Variants in KLHL15 observed in about 807,000 individuals in gnomAD.
KLHL15 encodes the protein kelch like family member 15.
Under a neutral mutation model 29.3 loss-of-function variants are expected in KLHL15, and 1 was observed. That is an observed-to-expected ratio of 0.03 (90% CI 0.01 to 0.16). The LOEUF is 0.16. KLHL15 is among the 10% of genes least tolerant of loss of function. The pLI is 1.00. For missense variants in KLHL15, 215 were observed against 478.5 expected, an observed-to-expected ratio of 0.45 and a Z score of 5.14; for synonymous variants, 212 against 184.5, an observed-to-expected ratio of 1.15 and a Z score of -1.21.
chrX:24,012,459 G>C (rs1324532273), intron 2 of KLHL15, among the ~76,000 whole-genome samples: 1 of 110,509 alleles, frequency 9.0e-6, no homozygotes, highest in Non-Finnish European at 1.9e-5. Flanking sequence ...CTCCTTCATG[G>C]GCTCACTTTT....
intron 2 of KLHL15, among the ~76,000 whole-genome samples, chrX:24,016,982 G>A (rs1197318766): frequency 2.7e-5 from 3 of 110,593 alleles, no homozygotes. Context: ...TTTATTCAAG[G>A]TCATAGAACT....
At position 23,985,979 on chromosome X, in the gene KLHL15, G is replaced by A; in HGVS notation, c.*1942C>T. The A allele has an allele frequency of 9.0e-6, 1 of 111,129 alleles. No individual in the cohort carries two copies. Among genetic ancestry groups the A allele is most frequent in the Non-Finnish European group, 1.9e-5 (1 of 52,890 alleles). 9.2% of individuals were successfully genotyped at this position (111,129 alleles called of 1,213,427 possible). A position where few individuals can be genotyped will look rare whatever the true frequency, so the allele number is the denominator to read the frequency against. ...AAGACTTTTACCCATATTACCATGG[G>A]AAACAAGATACCAAATTTCATGTTT... On this transcript the variant is annotated 3_prime_UTR_variant, in exon 4 of 4. Transcript: ENST00000328046.
At chrX:24,013,652 T>C (rs1275914300) in intron 2 of KLHL15, among the ~76,000 whole-genome samples, 1 of 111,371 alleles carries the variant, frequency 9.0e-6, no homozygotes, top group Non-Finnish European at 1.9e-5. Context: ...TCTCGTACAG[T>C]GTAGTGTTTG....
chrX:24,021,501 T>TA (rs921333035), intron 2 of KLHL15, among the ~76,000 whole-genome samples: 3 of 112,403 alleles, frequency 2.7e-5, no homozygotes, highest in Non-Finnish European at 3.7e-5. Context: ...CCATTTTACT[T>TA]AGTTTCCTTT....
At chrX:24,004,070 G>A (rs72620468) in intron 3 of KLHL15, among the ~76,000 whole-genome samples, 4,912 of 111,598 alleles carry the variant, frequency 0.044, 113 homozygotes, top group South Asian at 0.21. Context: ...ACAGCTAGAG[G>A]ACATGACTTG....
chrX:24,001,802 CAAAAAAAA>C (rs766669649), intron 3 of KLHL15, among the ~76,000 whole-genome samples: 8 of 22,670 alleles, frequency 3.5e-4, no homozygotes, highest in South Asian at 7.1e-3. Context: ...AGACTTGACT[CAAAAAAAA>C]AAAAAAAAAA....
In KLHL15 at chrX:24,024,435, G is replaced by A. The variant is rs757419127; in HGVS notation, c.-8+422C>T. Among the ~76,000 whole-genome samples the A allele has an allele frequency of 4.5e-5, 5 of 111,792 alleles. No individual in the cohort carries two copies. In the South Asian group the frequency reaches 1.5e-3, roughly 33 times the overall value. On this transcript the variant is annotated intron_variant, in intron 2 of 3. Coordinates refer to ENST00000328046, the MANE Select transcript of KLHL15 (RefSeq NM_030624.3). ...TCAACCCTGCGATGTTGGTAGTACC[G>A]ACTATATTTCATAGATAAGAAACCA...
rs988056452 is a variant in KLHL15 at position 23,986,602 on chromosome X, A to T, written c.*1319T>A. On this transcript the variant is annotated 3_prime_UTR_variant, in exon 4 of 4. Coordinates refer to ENST00000328046, the MANE Select transcript of KLHL15 (RefSeq NM_030624.3). The stretch of plus-strand genomic sequence containing the variant: ...GCTTTTAAACAGCTATTCTTGATCC[A>T]TTCTGAACTTTGTGGTTACTATCCT... 4.4e-5 allele frequency: 5 copies of T among 112,495 alleles called. No individual in the cohort carries two copies. Among genetic ancestry groups the T allele is most frequent in the Non-Finnish European group, 9.4e-5 (5 of 53,235 alleles). The allele number at this position is 112,495 out of a possible 1,213,427, so 9.3% of individuals were successfully genotyped here. A position where few individuals can be genotyped will look rare whatever the true frequency, so the allele number is the denominator to read the frequency against.
chrX:24,009,685 T>TC lies in KLHL15; in HGVS notation c.-7-2986dup, dbSNP rs763515204. Among the ~76,000 whole-genome samples, 62 of 24,656 alleles carry TC rather than the reference T, an allele frequency of 2.5e-3. No homozygotes were observed. In the Admixed American group the frequency reaches 0.027, roughly 11 times the overall value. 21.4% of individuals were successfully genotyped at this position (24,656 alleles called of 115,157 possible). On this transcript the variant is annotated intron_variant, in intron 2 of 3. Coordinates refer to ENST00000328046, the MANE Select transcript of KLHL15 (RefSeq NM_030624.3). ...TGGGCGACAGAGCGAGGTTCCATTTTCAAAAAAAAAAAAAAAAAAAAAAGC... is the reference window on the plus strand; with the variant it reads ...TGGGCGACAGAGCGAGGTTCCATTTTCCAAAAAAAAAAAAAAAAAAAAAAGC...
intron 1 of KLHL15, among the ~76,000 whole-genome samples, chrX:24,025,261 A>G (rs1345772403): frequency 9.2e-6 from 1 of 109,239 alleles, no homozygotes; most frequent in Non-Finnish European, 1.9e-5. Context: ...CAGCCGAGGA[A>G]GCGTCGAGGA....
chrX:24,018,210 CAAG>C (rs1304469351), intron 2 of KLHL15, among the ~76,000 whole-genome samples: 1 of 111,759 alleles, frequency 8.9e-6, no homozygotes, highest in Non-Finnish European at 1.9e-5. Flanking sequence ...GCGTGCTCAA[CAAG>C]AAGTGCGTAG....
intron 2 of KLHL15, among the ~76,000 whole-genome samples, chrX:24,014,882 G>A (rs1929644354): frequency 8.9e-6 from 1 of 112,290 alleles, no homozygotes; most frequent in Admixed American, 9.5e-5. Flanking sequence ...TGTATTGACT[G>A]TGTATGACGG....
intron 2 of KLHL15, among the ~76,000 whole-genome samples, chrX:24,017,981 T>C (rs1391797869): frequency 9.1e-6 from 1 of 109,905 alleles, no homozygotes; most frequent in Non-Finnish European, 1.9e-5. Context: ...GGCGTGCTCC[T>C]GTGGCCCCAG....
chrX:24,023,220 G>T (rs1348411380), intron 2 of KLHL15, among the ~76,000 whole-genome samples: 3 of 111,487 alleles, frequency 2.7e-5, no homozygotes, highest in South Asian at 3.7e-4. Context: ...ATCAAGGTTA[G>T]GTTTCTGAGA....
chrX:23,988,008 A>C lies in KLHL15; in HGVS notation c.1728T>G (p.Pro576=). 2 of 1,211,174 alleles carry C rather than the reference A, an allele frequency of 1.7e-6. No individual in the cohort carries two copies. The highest frequency in any genetic ancestry group is 3.5e-5 in the South Asian group (2 of 56,986). ...DENKWKEDEY[P]RMPCKLDGLQ... ...AACCATCCAGCTTGCAGGGCATCCG[A>C]GGGTACTCATCTTCCTTCCACTTGT... Residue 576 remains proline (P), a synonymous_variant, in exon 4 of 4, where the codon CCT becomes CCG. Coordinates refer to ENST00000328046, the MANE Select transcript of KLHL15 (RefSeq NM_030624.3).
intron 2 of KLHL15, among the ~76,000 whole-genome samples, chrX:24,006,962 C>T (rs895215255): frequency 9.0e-6 from 1 of 110,627 alleles, no homozygotes; most frequent in Non-Finnish European, 1.9e-5. Context: ...GCAGGAAGAT[C>T]GCTTGAGCCC....
intron 2 of KLHL15, among the ~76,000 whole-genome samples, chrX:24,010,080 G>A (rs762280235): frequency 9.2e-6 from 1 of 109,113 alleles, no homozygotes; most frequent in Non-Finnish European, 1.9e-5. Context: ...TCCAAAAACT[G>A]TAAGTCAAAA....
intron 2 of KLHL15, among the ~76,000 whole-genome samples, chrX:24,023,778 GAATAA>G (rs1208295576): frequency 8.9e-6 from 1 of 112,032 alleles, no homozygotes; most frequent in Non-Finnish European, 1.9e-5. Context: ...TTAAAAATGA[GAATAA>G]AATTATATAA....
At chrX:24,013,429 ATTT>A (rs938763818) in intron 2 of KLHL15, among the ~76,000 whole-genome samples, 1 of 108,798 alleles carries the variant, frequency 9.2e-6, no homozygotes, top group Non-Finnish European at 1.9e-5. Flanking sequence ...GACTCGGCTA[ATTT>A]TTTTTTATTT....
Sources: allele counts gnomAD v4.1 joint callset (sites outside exome capture counted in the v4.1 genomes callset), GRCh38; gene constraint gnomAD v4.1.1; transcripts MANE v1.5; gene names NCBI Gene and HGNC (gene_info 2026-07-23, HGNC 2026-07-21).